Variants in MAVS observed in about 807,000 individuals in gnomAD.
The protein encoded by MAVS is mitochondrial antiviral signaling protein.
MAVS carries 20 observed loss-of-function variants against 30.2 expected under a neutral mutation model. The ratio of observed to expected loss-of-function variants is 0.66; its 90% confidence interval spans 0.47 to 0.96. The LOEUF is 0.96. Among genes scored for constraint, MAVS ranks in the 40% least tolerant of loss-of-function variants. The pLI, the probability that MAVS is intolerant of heterozygous loss-of-function variation, is 0.00. For synonymous variants in MAVS, 278 were observed against 293.9 expected, an observed-to-expected ratio of 0.95 and a Z score of 0.55; for missense variants, 624 against 701.1, an observed-to-expected ratio of 0.89 and a Z score of 1.24.
intron 3 of MAVS, 100 bp downstream of exon 3, chr20:3,857,909 T>C: frequency 1.5e-6 from 2 of 1,313,252 alleles, no homozygotes; most frequent in Non-Finnish European, 2.2e-6. Context: ...TCTGTCATCC[T>C]CTTTCTTGTC....
chr20:3,870,680 A>G lies in MAVS; in HGVS notation c.*4533A>G, dbSNP rs1017890628. The G allele has an allele frequency of 1.5e-5, 2 of 134,738 alleles. No homozygotes were observed. The highest frequency in any genetic ancestry group is 3.1e-5 in the Non-Finnish European group (2 of 64,124). The allele number at this position is 134,738 out of a possible 1,614,324, so 8.3% of individuals were successfully genotyped here. ...AAAAAAAAAAAAAAAAAAAAAATCT[A>G]GGAGATGCTCTTTACCCTGCCTGGC... is the stretch of plus-strand genomic sequence containing the variant. On this transcript the variant is annotated 3_prime_UTR_variant, in exon 7 of 7. Transcript: ENST00000428216.
rs574368782 is a variant in MAVS, at chr20:3,872,984, T to C, written c.*6837T>C. 6.6e-6 allele frequency: 1 copy of C among 152,366 alleles called. No individual in the cohort carries two copies. The highest frequency in any genetic ancestry group is 2.1e-4 in the South Asian group (1 of 4,826). The allele number at this position is 152,366 out of a possible 1,614,324, so 9.4% of individuals were successfully genotyped here. ...TGGAATATGAAGTGGGGGCAGGCATTAGGGGTGGCAAAGGGACAAGTGTTT... is the reference window on the plus strand; with the variant it reads ...TGGAATATGAAGTGGGGGCAGGCATCAGGGGTGGCAAAGGGACAAGTGTTT... On this transcript the variant is annotated 3_prime_UTR_variant, in exon 7 of 7. Transcript: ENST00000428216.
Position 3,861,511 on chromosome 20 carries a change from C to T in MAVS, c.465+7C>T. 3.7e-6 allele frequency: 6 copies of T among 1,612,050 alleles called. No individual in the cohort carries two copies. The highest frequency in any genetic ancestry group is 5.1e-6 in the Non-Finnish European group (6 of 1,179,008). On this transcript the variant is annotated splice_region_variant and intron_variant, in intron 4 of 6. Coordinates refer to ENST00000428216, the MANE Select transcript of MAVS (RefSeq NM_020746.5). The stretch of plus-strand genomic sequence containing the variant: ...GCCAGAGTCCCCAGGAGAGGTCTGT[C>T]CTCATAGTCTACCTTGAGCCACCAC...
chr20:3,867,340 G>T lies in MAVS; in HGVS notation c.*1193G>T. ...TTTATCGATGTAGGTCTTAGGATGA[G>T]TCCTGGCATTTACCAAGGGTTGGAT... On this transcript the variant is annotated 3_prime_UTR_variant, in exon 7 of 7. Coordinates refer to ENST00000428216, the MANE Select transcript of MAVS (RefSeq NM_020746.5). The T allele has an allele frequency of 3.3e-6, 1 of 300,332 alleles. No homozygotes were observed. Among genetic ancestry groups the T allele is most frequent in the Non-Finnish European group, 6.5e-6 (1 of 153,830 alleles). 18.6% of individuals were successfully genotyped at this position (300,332 alleles called of 1,614,324 possible). A position where few individuals can be genotyped will look rare whatever the true frequency, so the allele number is the denominator to read the frequency against.
At chr20:3,862,177 T>C in intron 4 of MAVS, 77 bp from the exon 5 acceptor site, 1 of 1,529,426 alleles carries the variant, frequency 6.5e-7, no homozygotes, top group Non-Finnish European at 8.9e-7. Context: ...CTATAGGAGA[T>C]GCCCCAAGAG....
chr20:3,854,436 A>AAAAAAAAG, intron 1 of MAVS, 122 bp from the exon 2 acceptor site: 1 of 383,144 alleles, frequency 2.6e-6, no homozygotes. Context: ...AAAAAAAAAA[A>AAAAAAAAG]AAGAAGAAAT....
At chr20:3,855,291 T>A (rs760765249) in intron 2 of MAVS, among the ~76,000 whole-genome samples, 1 of 152,204 alleles carries the variant, frequency 6.6e-6, no homozygotes, top group African/African-American at 2.4e-5. Flanking sequence ...AATATGGCGC[T>A]GGCTCTCTGA....
In MAVS at chr20:3,857,644, C is replaced by T. The variant is rs149764765; in HGVS notation, c.127C>T (p.Arg43Trp). Residue 43 changes from arginine (R) to tryptophan (W), a missense_variant, in exon 3 of 7, where the codon CGG (arginine) becomes TGG (tryptophan). Coordinates refer to ENST00000428216, the MANE Select transcript of MAVS (RefSeq NM_020746.5). ...CLTARDQDRL[R>W]ATCTLSGNRD... Reference sequence around the variant, plus strand: ...GCATTGTGTCTTCCAGGATCGACTGCGGGCCACCTGCACACTCTCAGGGAA... The same window carrying T: ...GCATTGTGTCTTCCAGGATCGACTGTGGGCCACCTGCACACTCTCAGGGAA... 1.1e-4 allele frequency: 170 copies of T among 1,610,908 alleles called. No individual in the cohort carries two copies. The highest frequency in any genetic ancestry group is 1.3e-4 in the Non-Finnish European group (158 of 1,177,970).
Position 3,866,133 on chromosome 20 carries a change from C to T in MAVS, c.1609C>T (p.Arg537Trp), listed in dbSNP as rs143155710. ...CACACTCCTGGTGGTGCTGTACCGG[C>T]GGCGTCTGCACTAGTGAAGCCCTGG... Reference protein sequence around the residue: ...VVTLLVVLYRRRLH With the variant: ...VVTLLVVLYRWRLH Residue 537 changes from arginine (R) to tryptophan (W), a missense_variant, in exon 7 of 7, where the codon CGG becomes TGG. Arg to Trp is a moderately radical substitution (Grantham distance 101). Transcript: ENST00000428216. 93 of 1,591,538 alleles carry T rather than the reference C, an allele frequency of 5.8e-5. No individual in the cohort carries two copies. Among genetic ancestry groups the T allele is most frequent in the Non-Finnish European group, 7.5e-5 (88 of 1,171,042 alleles).
At position 3,872,058 on chromosome 20, in the gene MAVS, A is replaced by G. The variant is rs1344222413; in HGVS notation, c.*5911A>G. ...AGGACCCAGGGGACAATGCGAGGGAAAACTCTGACCCCGGGGCCCCAGGCT... is the reference window on the plus strand; with the variant it reads ...AGGACCCAGGGGACAATGCGAGGGAGAACTCTGACCCCGGGGCCCCAGGCT... On this transcript the variant is annotated 3_prime_UTR_variant, in exon 7 of 7. Coordinates refer to ENST00000428216, the MANE Select transcript of MAVS (RefSeq NM_020746.5). 1 of 152,344 alleles carries G rather than the reference A, an allele frequency of 6.6e-6. No homozygotes were observed. The highest frequency in any genetic ancestry group is 1.5e-5 in the Non-Finnish European group (1 of 68,042). The allele number at this position is 152,344 out of a possible 1,614,324, so 9.4% of individuals were successfully genotyped here.
chr20:3,866,337 C>A lies in MAVS; in HGVS notation c.*190C>A. 1 of 612,676 alleles carries A rather than the reference C, an allele frequency of 1.6e-6. No individual in the cohort carries two copies. Among genetic ancestry groups the A allele is most frequent in the Non-Finnish European group, 2.8e-6 (1 of 357,912 alleles). The allele number at this position is 612,676 out of a possible 1,614,324, so 38.0% of individuals were successfully genotyped here. On this transcript the variant is annotated 3_prime_UTR_variant, in exon 7 of 7. Transcript: ENST00000428216. ...CCTGAGAGCAGCATCTCTGTCCCCA[C>A]GGTGCCTTGTGTGGGTCCCCGTCCT...
In MAVS at chr20:3,859,321, T is replaced by C. The variant is rs377700772; in HGVS notation, c.292+1512T>C. On this transcript the variant is annotated intron_variant, in intron 3 of 6. Coordinates refer to ENST00000428216, the MANE Select transcript of MAVS (RefSeq NM_020746.5). ...AGGAGTTCGAGACCAGCCTGGCCAATATGGTGAAACCCTGTCTGTACCAAA... is the reference window on the plus strand; with the variant it reads ...AGGAGTTCGAGACCAGCCTGGCCAACATGGTGAAACCCTGTCTGTACCAAA... Among the ~76,000 whole-genome samples the C allele has an allele frequency of 9.9e-5, 15 of 151,666 alleles. No homozygotes were observed. In the East Asian group the frequency reaches 1.2e-3, roughly 12 times the overall value.
intron 2 of MAVS, among the ~76,000 whole-genome samples, chr20:3,856,057 A>ATT (rs34856295): frequency 1.5e-5 from 2 of 129,892 alleles, no homozygotes; most frequent in Admixed American, 8.0e-5. Flanking sequence ...CAGTGGCACG[A>ATT]TTTTTTTTTT....
chr20:3,864,115 G>A, intron 5 of MAVS, 141 bp from the exon 6 acceptor site: 4 of 926,068 alleles, frequency 4.3e-6, no homozygotes, highest in Non-Finnish European at 6.6e-6. Flanking sequence ...CAAAGGGACT[G>A]TGGCATCTCC....
chr20:3,853,102 G>T (rs1272839837), intron 1 of MAVS, among the ~76,000 whole-genome samples: 2 of 149,648 alleles, frequency 1.3e-5, no homozygotes, highest in Non-Finnish European at 1.5e-5. Flanking sequence ...GCCTCCCAAC[G>T]TGCTGGGGTT....
intron 1 of MAVS, among the ~76,000 whole-genome samples, chr20:3,852,139 C>T (rs2089766881): frequency 1.3e-5 from 2 of 151,776 alleles, no homozygotes; most frequent in South Asian, 4.2e-4. Context: ...GGACTACAGG[C>T]ACCCGCCAGT....
chr20:3,854,729 A>C lies in MAVS; in HGVS notation c.105A>C (p.Thr35=). 1 of 1,612,972 alleles carries C rather than the reference A, an allele frequency of 6.2e-7. No homozygotes were observed. ...TTCTGCCTTACCTGCCCTGCCTCAC[A>C]GCAAGAGACCAGGTGAGCAAGGGAA... is the stretch of plus-strand genomic sequence containing the variant. ...VEILPYLPCL[T]ARDQDRLRAT... is the part of the protein sequence containing the mutation. Residue 35 remains threonine, a synonymous_variant, in exon 2 of 7, where the codon ACA becomes ACC. Transcript: ENST00000428216.
rs1339243415 is a variant in MAVS at position 3,875,640 on chromosome 20, C to T, written c.*9493C>T. The T allele has an allele frequency of 6.6e-6, 1 of 152,312 alleles. No homozygotes were observed. The highest frequency in any genetic ancestry group is 2.4e-5 in the African/African-American group (1 of 41,440). The allele number at this position is 152,312 out of a possible 1,614,324, so 9.4% of individuals were successfully genotyped here. A position where few individuals can be genotyped will look rare whatever the true frequency, so the allele number is the denominator to read the frequency against. On this transcript the variant is annotated 3_prime_UTR_variant, in exon 7 of 7. Coordinates refer to ENST00000428216, the MANE Select transcript of MAVS (RefSeq NM_020746.5). ...ATGAAGGGAAGCCCTGGGTTCTTGT[C>T]CTGCATCCGCAGCCAGCTCCCACTT...
At position 3,864,522 on chromosome 20, in the gene MAVS, GTGCCTACCACCTTGA is replaced by G. The variant is rs1568537652; in HGVS notation, c.898_912del (p.Thr300_Pro304del). ...ACCTGCCAACTCTCTGCCCTCCAAA[GTGCCTACCACCTTGA>G]TGCCTGTGAACACAGTGGCCCTGAA... On this transcript the variant is annotated inframe_deletion, in exon 6 of 7. Coordinates refer to ENST00000428216, the MANE Select transcript of MAVS (RefSeq NM_020746.5). The G allele has an allele frequency of 1.9e-6, 3 of 1,614,112 alleles. No homozygotes were observed. The African/African-American group carries it at 4.0e-5, about 22-fold the overall frequency.
Sources: gnomAD v4.1 joint callset for allele counts (sites outside exome capture counted in the v4.1 genomes callset) on GRCh38, gnomAD v4.1.1 for gene constraint, MANE v1.5 for transcripts, NCBI Gene and HGNC (gene_info 2026-07-23, HGNC 2026-07-21) for gene names.